The following GRIN2A variants were observed in gnomAD, a reference collection of about 807,000 sequenced individuals.
GRIN2A encodes the protein glutamate ionotropic receptor NMDA type subunit 2A.
GRIN2A carries 22 observed loss-of-function variants against 113.4 expected under a neutral mutation model. The ratio of observed to expected loss-of-function variants is 0.19; its 90% CI spans 0.14 to 0.28. The LOEUF is 0.28. Among genes scored for constraint, GRIN2A ranks in the 10% least tolerant of loss-of-function variants. The pLI is 1.00. For missense variants in GRIN2A, 1,502 were observed against 1,887.0 expected, an observed-to-expected ratio of 0.80 and a Z score of 3.78; for synonymous variants, 827 against 738.4, an observed-to-expected ratio of 1.12 and a Z score of -1.94.
At chr16:10,153,933 C>T (rs1433542275) in intron 2 of GRIN2A, among the ~76,000 whole-genome samples, 3 of 152,212 alleles carry the variant, frequency 2.0e-5, no homozygotes, top group African/African-American at 4.8e-5. Context: ...CCTCCACCCT[C>T]CTCCCACGTA....
intron 2 of GRIN2A, among the ~76,000 whole-genome samples, chr16:9,940,133 T>C (rs2044835764): frequency 1.3e-5 from 2 of 152,106 alleles, no homozygotes; most frequent in African/African-American, 4.8e-5. Context: ...ACTTTGTAGC[T>C]GTGCATGTCA....
At position 10,154,306 on chromosome 16, in the gene GRIN2A, A is replaced by T. The variant is rs182327837; in HGVS notation, c.414+25692T>A. Among the ~76,000 whole-genome samples the T allele has an allele frequency of 2.0e-5, 3 of 152,306 alleles. No individual in the cohort carries two copies. In the East Asian group the frequency reaches 5.8e-4, roughly 29 times the overall value. ...GCCTTTATTGTTATAAGCCATTAAG[A>T]TACAGGGGCTGTTTGTGCAGCAGGG... On this transcript the variant is annotated intron_variant, in intron 2 of 12. Coordinates refer to ENST00000330684, the MANE Select transcript of GRIN2A (RefSeq NM_001134407.3).
chr16:9,859,063 A>T (rs2043016380), intron 4 of GRIN2A, among the ~76,000 whole-genome samples: 1 of 152,152 alleles, frequency 6.6e-6, no homozygotes, highest in Non-Finnish European at 1.5e-5. Flanking sequence ...TCCATGTCTC[A>T]TGCTGCCTAC....
intron 2 of GRIN2A, among the ~76,000 whole-genome samples, chr16:10,163,589 C>T (rs1036617118): frequency 2.0e-5 from 3 of 152,108 alleles, no homozygotes; most frequent in Non-Finnish European, 4.4e-5. Context: ...CCACATCTTC[C>T]AGGAACCCCA....
rs1238406128 is a variant in GRIN2A at position 9,805,519 on chromosome 16, CT to C, written c.2169-7056del. ...TGCCAGGAAGAGGAACACATTAGCA[CT>C]TGAGGTCAGTTGGCATGTTTGGGCA... is the stretch of plus-strand genomic sequence containing the variant. On this transcript the variant is annotated intron_variant, in intron 10 of 12. Transcript: ENST00000330684. 3 of 152,050 alleles carry C rather than the reference CT, an allele frequency of 2.0e-5. No individual in the cohort carries two copies. The East Asian group carries it at 5.8e-4, about 29-fold the overall frequency. The allele number at this position is 152,050 out of a possible 1,614,324, so 9.4% of individuals were successfully genotyped here. A position where few individuals can be genotyped will look rare whatever the true frequency, so the allele number is the denominator to read the frequency against.
At chr16:9,962,006 T>C (rs1335176907) in intron 2 of GRIN2A, among the ~76,000 whole-genome samples, 1 of 152,130 alleles carries the variant, frequency 6.6e-6, no homozygotes, top group East Asian at 1.9e-4. Flanking sequence ...AAAGAAGCAA[T>C]GGGGAAAGGA....
At chr16:9,986,636 G>C (rs1000061750) in intron 2 of GRIN2A, among the ~76,000 whole-genome samples, 5 of 151,766 alleles carry the variant, frequency 3.3e-5, no homozygotes, top group Non-Finnish European at 7.4e-5. Flanking sequence ...GTGCTGGCGG[G>C]TGCCTGTAAT....
chr16:10,053,734 G>A (rs1291812984), intron 2 of GRIN2A, among the ~76,000 whole-genome samples: 9 of 152,208 alleles, frequency 5.9e-5, no homozygotes, highest in Admixed American at 5.2e-4. Flanking sequence ...TAAAAGAGCT[G>A]TATTAGTTGG....
chr16:9,766,239 G>C (rs1450861459), intron 12 of GRIN2A, among the ~76,000 whole-genome samples: 1 of 152,198 alleles, frequency 6.6e-6, no homozygotes, highest in Non-Finnish European at 1.5e-5. Context: ...CTACAGGAAA[G>C]TAAGTGTGAT....
intron 2 of GRIN2A, among the ~76,000 whole-genome samples, chr16:10,122,524 C>G (rs2048854885): frequency 6.6e-6 from 1 of 152,126 alleles, no homozygotes; most frequent in African/African-American, 2.4e-5. Flanking sequence ...ATGCGGCTGT[C>G]AGATCTCTCC....
At position 9,760,442 on chromosome 16, in the gene GRIN2A, G is replaced by A. The variant is rs1900534582; in HGVS notation, c.*2707C>T. On this transcript the variant is annotated 3_prime_UTR_variant, in exon 13 of 13. Transcript: ENST00000330684. ...GAAGAGTCATTGAATTAGTAGAGAA[G>A]GGATACCATAAACTTTGTGTAGCAT... The A allele has an allele frequency of 6.0e-6, 1 of 166,870 alleles. No homozygotes were observed. Among genetic ancestry groups the A allele is most frequent in the South Asian group, 2.6e-4 (1 of 3,888 alleles). The allele number at this position is 166,870 out of a possible 1,614,324, so 10.3% of individuals were successfully genotyped here.
chr16:9,922,901 C>G (rs894398518), intron 3 of GRIN2A, among the ~76,000 whole-genome samples: 29 of 152,168 alleles, frequency 1.9e-4, no homozygotes, highest in Admixed American at 5.2e-4. Flanking sequence ...TGTTTTATGG[C>G]CTAGAATATG....
chr16:9,776,421 G>A (rs969042821), intron 11 of GRIN2A, among the ~76,000 whole-genome samples: 2 of 151,836 alleles, frequency 1.3e-5, no homozygotes, highest in African/African-American at 4.8e-5. Context: ...TGTGGTTCAT[G>A]ACATTGCACC....
At chr16:10,028,735 T>G (rs984542930) in intron 2 of GRIN2A, among the ~76,000 whole-genome samples, 1 of 152,060 alleles carries the variant, frequency 6.6e-6, no homozygotes. Flanking sequence ...AGCTAGAGAG[T>G]AAATATTTTG....
intron 10 of GRIN2A, among the ~76,000 whole-genome samples, chr16:9,801,169 C>T (rs1161931784): frequency 6.6e-6 from 1 of 152,204 alleles, no homozygotes; most frequent in Non-Finnish European, 1.5e-5. Flanking sequence ...GAAATTGAAA[C>T]TCTGGATAAC....
intron 11 of GRIN2A, among the ~76,000 whole-genome samples, chr16:9,793,851 T>C (rs914272706): frequency 1.3e-5 from 2 of 152,198 alleles, no homozygotes; most frequent in African/African-American, 4.8e-5. Flanking sequence ...ACACGTGTGA[T>C]ATAAATTTAT....
intron 3 of GRIN2A, among the ~76,000 whole-genome samples, chr16:9,924,572 G>C (rs950295557): frequency 6.6e-6 from 1 of 152,054 alleles, no homozygotes; most frequent in African/African-American, 2.4e-5. Flanking sequence ...TAAGTTTTTT[G>C]AACTGAGGGT....
At chr16:9,808,831 A>G (rs1245980635) in intron 10 of GRIN2A, among the ~76,000 whole-genome samples, 11 of 152,160 alleles carry the variant, frequency 7.2e-5, no homozygotes, top group Admixed American at 6.5e-4. Context: ...TTTCATTCCT[A>G]GAAAACCACT....
At position 9,915,313 on chromosome 16, in the gene GRIN2A, A is replaced by T. The variant is rs892240066; in HGVS notation, c.1007+22646T>A. ...TCAGGGAAATAAGAATCAACTGGTC[A>T]AGGAACACATCAAAACTGGGAGGAC... is the stretch of plus-strand genomic sequence containing the variant. On this transcript the variant is annotated intron_variant, in intron 3 of 12. Transcript: ENST00000330684. Among the ~76,000 whole-genome samples the T allele has an allele frequency of 9.9e-5, 15 of 152,238 alleles. No homozygotes were observed. The East Asian group carries it at 2.7e-3, about 28-fold the overall frequency.
Sources: allele counts gnomAD v4.1 joint callset (sites outside exome capture counted in the v4.1 genomes callset), GRCh38; gene constraint gnomAD v4.1.1; transcripts MANE v1.5; gene names NCBI Gene and HGNC (gene_info 2026-07-23, HGNC 2026-07-21).